ANKRD26: variants seen among roughly 807,000 people sequenced by gnomAD.
ANKRD26 encodes ankyrin repeat domain-containing protein 26.
A neutral mutation model predicts 208.7 loss-of-function variants in ANKRD26; 141 were observed. The ratio of observed to expected loss-of-function variants is 0.68; its 90% CI spans 0.59 to 0.78. The LOEUF (loss-of-function observed/expected upper bound fraction) is 0.78. Ranked by LOEUF, ANKRD26 falls within the 30% of genes least tolerant of loss-of-function variation. The pLI is 0.00. For missense variants in ANKRD26, 1,889 were observed against 1,938.7 expected (o/e 0.97, Z 0.48); for synonymous variants, 636 against 660.4 (o/e 0.96, Z 0.57).
At chr10:27,006,510 G>A (rs2052886458) in intron 33 of ANKRD26, among the ~76,000 whole-genome samples, 1 of 152,184 alleles carries the variant, frequency 6.6e-6, no homozygotes, top group East Asian at 1.9e-4. Flanking sequence ...TGTAATTCCA[G>A]ACTAGATATT....
chr10:26,987,511 A>G (rs2052410991), downstream of ANKRD26, among the ~76,000 whole-genome samples: 1 of 152,196 alleles, frequency 6.6e-6, no homozygotes, highest in Admixed American at 6.5e-5. Context: ...AGCCTGTTCT[A>G]ACATTTCCAC....
the ANKRD26 span, among the ~76,000 whole-genome samples, chr10:26,949,046 CT>C: frequency 2.0e-5 from 3 of 152,018 alleles, no homozygotes; most frequent in South Asian, 6.2e-4. Flanking sequence ...AAATTCAGCA[CT>C]TTGGGGCATA....
the ANKRD26 span, among the ~76,000 whole-genome samples, chr10:26,955,378 A>C: frequency 6.6e-6 from 1 of 151,970 alleles, no homozygotes; most frequent in Non-Finnish European, 1.5e-5. Context: ...CAGTGAGCCG[A>C]GATCGCACCA....
the ANKRD26 span, among the ~76,000 whole-genome samples, chr10:26,961,366 A>C: frequency 1.3e-5 from 2 of 152,196 alleles, no homozygotes; most frequent in South Asian, 4.1e-4. Context: ...TCTGTCCCCA[A>C]CTTTGAATCA....
intron 29 of ANKRD26, among the ~76,000 whole-genome samples, chr10:27,019,568 T>A (rs553803917): frequency 2.4e-4 from 37 of 152,188 alleles, no homozygotes; most frequent in African/African-American, 8.4e-4. Context: ...ATTTTTCCAG[T>A]TCAGTTTTAT....
At chr10:27,082,767 C>A in intron 6 of ANKRD26, 36 bp downstream of exon 6, 1 of 1,554,578 alleles carries the variant, frequency 6.4e-7, no homozygotes, top group South Asian at 1.2e-5. Flanking sequence ...CTCTGTATTC[C>A]TTTAAATATA....
intron 4 of ANKRD26, among the ~76,000 whole-genome samples, chr10:27,090,761 AG>A (rs2056274262): frequency 6.6e-6 from 1 of 152,202 alleles, no homozygotes; most frequent in African/African-American, 2.4e-5. Flanking sequence ...GCAGTCAGCT[AG>A]GGGTCAGATA....
At chr10:27,006,010 T>C (rs138437923) in intron 33 of ANKRD26, among the ~76,000 whole-genome samples, 7 of 152,288 alleles carry the variant, frequency 4.6e-5, no homozygotes, top group Admixed American at 3.9e-4. Context: ...GAAGATGATA[T>C]GATCCACCTC....
chr10:26,953,015 C>T, the ANKRD26 span, among the ~76,000 whole-genome samples: 5 of 152,150 alleles, frequency 3.3e-5, no homozygotes, highest in African/African-American at 1.2e-4. Context: ...GTGTTAGCTA[C>T]CCTCGAAGAC....
Position 27,028,917 on chromosome 10 carries a change from CT to C in ANKRD26, c.3906del (p.Val1303LeufsTer18), listed in dbSNP as rs766635392. 3.1e-6 allele frequency: 5 copies of C among 1,612,458 alleles called. No homozygotes were observed. Among genetic ancestry groups the C allele is most frequent in the Non-Finnish European group, 4.2e-6 (5 of 1,179,212 alleles). ...TTGTCCATTTGCTTTTTGACTGTAA[CT>C]TTTAACTTGGCATTATCTTTTTCAA... ...QKLEKDNAKL[K>X]VTVKKQMDKI... On this transcript the variant is annotated frameshift_variant, in exon 27 of 34. Transcript: ENST00000376087. LOFTEE classifies it high-confidence loss of function.
At chr10:26,989,385 A>G (rs1197221654), downstream of ANKRD26, among the ~76,000 whole-genome samples, 2 of 152,144 alleles carry the variant, frequency 1.3e-5, no homozygotes, top group Non-Finnish European at 2.9e-5. Flanking sequence ...ACTTTTTAAA[A>G]TTTGTTATTT....
chr10:27,059,444 A>C, intron 15 of ANKRD26, among the ~76,000 whole-genome samples: 1 of 152,230 alleles, frequency 6.6e-6, no homozygotes, highest in East Asian at 1.9e-4. Flanking sequence ...TATTATTTAT[A>C]GACGTATACA....
chr10:26,958,093 T>TATATATA, the ANKRD26 span, among the ~76,000 whole-genome samples: 1 of 108,420 alleles, frequency 9.2e-6, no homozygotes. Context: ...ATATATATAT[T>TATATATA]TATTTTTGAG....
At chr10:27,017,386 T>A in intron 30 of ANKRD26, 116 bp downstream of exon 30, 11 of 1,054,512 alleles carry the variant, frequency 1.0e-5, no homozygotes, top group Non-Finnish European at 1.6e-5. Flanking sequence ...CCATCATCCT[T>A]CTAGAAATCT....
downstream of ANKRD26, among the ~76,000 whole-genome samples, chr10:26,988,879 CAAAAAAA>C (rs56162186): frequency 7.3e-4 from 100 of 137,302 alleles, no homozygotes; most frequent in Non-Finnish European, 1.4e-3. Flanking sequence ...GACCTCTTCT[CAAAAAAA>C]AAAAAAAAAT....
In ANKRD26 at chr10:27,067,254, T is replaced by C; in HGVS notation, c.1110A>G (p.Lys370=). The C allele has an allele frequency of 6.2e-7, 1 of 1,613,396 alleles. No individual in the cohort carries two copies. Among genetic ancestry groups the C allele is most frequent in the Non-Finnish European group, 8.5e-7 (1 of 1,179,808 alleles). ...EEPTKPGIAK[K]ENGIDIIESA... ...TTTCAATAATATCAATACCATTTTC[T>C]TTTTTTGCAATGCCTGGCTTTGTTG... Residue 370 remains lysine, a synonymous_variant, in exon 10 of 34, where the codon AAA becomes AAG. Coordinates refer to ENST00000376087, the MANE Select transcript of ANKRD26 (RefSeq NM_014915.3).
downstream of ANKRD26, among the ~76,000 whole-genome samples, chr10:26,991,734 A>C (rs917783758): frequency 1.3e-5 from 2 of 152,154 alleles, no homozygotes; most frequent in African/African-American, 2.4e-5. Context: ...AACCAAAGAA[A>C]TATTTTTAAA....
intron 30 of ANKRD26, among the ~76,000 whole-genome samples, chr10:27,016,342 G>A (rs930067862): frequency 2.6e-5 from 4 of 151,870 alleles, no homozygotes; most frequent in African/African-American, 4.8e-5. Context: ...TCACCATCTT[G>A]CCTCACTGCA....
At chr10:27,084,054 A>C (rs1399032517) in intron 5 of ANKRD26, among the ~76,000 whole-genome samples, 1 of 152,072 alleles carries the variant, frequency 6.6e-6, no homozygotes, top group Non-Finnish European at 1.5e-5. Flanking sequence ...CTCTACTAAA[A>C]GTACAAAAAG....
Sources: allele counts gnomAD v4.1 joint callset (sites outside exome capture counted in the v4.1 genomes callset), GRCh38; gene constraint gnomAD v4.1.1; transcripts MANE v1.5; gene names NCBI Gene and HGNC (gene_info 2026-07-23, HGNC 2026-07-21).